The following ADSL variants were observed in gnomAD, a reference collection of about 807,000 sequenced individuals.
The protein encoded by ADSL is adenylosuccinase.
Under a neutral mutation model 62.1 loss-of-function variants are expected in ADSL, and 44 were observed. The observed-to-expected ratio is 0.71, with a 90% CI of 0.56 to 0.91. The LOEUF (loss-of-function observed/expected upper bound fraction) is 0.91, where lower values mean the gene tolerates loss of function less well. ADSL is among the 40% of genes least tolerant of loss of function. The pLI is 0.00. For missense variants in ADSL, 531 were observed against 627.4 expected (o/e 0.85, Z 1.64); for synonymous variants, 198 against 220.5 (o/e 0.90, Z 0.90).
In ADSL at chr22:40,350,149, A is replaced by C; in HGVS notation, c.357+114A>C. The C allele has an allele frequency of 5.4e-6, 5 of 933,954 alleles. No homozygotes were observed. In the East Asian group the frequency reaches 1.3e-4, roughly 24 times the overall value. 57.9% of individuals were successfully genotyped at this position (933,954 alleles called of 1,614,324 possible). A position where few individuals can be genotyped will look rare whatever the true frequency, so the allele number is the denominator to read the frequency against. Reference sequence around the variant, plus strand: ...ACTATAGATCTTTTTTTTTTTTTTGAGGCAGAGTCTCCCTCTGTCTCCCAG... The same window carrying C: ...ACTATAGATCTTTTTTTTTTTTTTGCGGCAGAGTCTCCCTCTGTCTCCCAG... On this transcript the variant is annotated intron_variant, in intron 2 of 12. Coordinates refer to ENST00000623063, the MANE Select transcript of ADSL (RefSeq NM_000026.4).
chr22:40,371,898 C>T (rs2146706406), downstream of ADSL, among the ~76,000 whole-genome samples: 1 of 151,622 alleles, frequency 6.6e-6, no homozygotes. Flanking sequence ...GGTTTTTCGC[C>T]ATGTTGGCCA....
intron 2 of ADSL, among the ~76,000 whole-genome samples, chr22:40,383,355 T>C (rs900176325): frequency 1.3e-5 from 2 of 151,568 alleles, no homozygotes; most frequent in African/African-American, 4.9e-5. Context: ...TATTCCCAGC[T>C]ACTCGGGAGG....
chr22:40,351,009 T>C (rs1241660284), intron 2 of ADSL, among the ~76,000 whole-genome samples: 5 of 151,690 alleles, frequency 3.3e-5, no homozygotes, highest in Admixed American at 3.3e-4. Flanking sequence ...AAAAAAATAC[T>C]TTGAGACAGG....
rs772564582 is a variant in ADSL, at chr22:40,367,782, A to G, written c.*1260A>G. 5 of 154,628 alleles carry G rather than the reference A, an allele frequency of 3.2e-5. No individual in the cohort carries two copies. Among genetic ancestry groups the G allele is most frequent in the African/African-American group, 4.8e-5 (2 of 41,480 alleles). The allele number at this position is 154,628 out of a possible 1,614,324, so 9.6% of individuals were successfully genotyped here. A position where few individuals can be genotyped will look rare whatever the true frequency, so the allele number is the denominator to read the frequency against. ...CACAAAACTGGGAGAATTAACAAGT[A>G]TGTTTATTTGGTAAAATAAGTTTTC... On this transcript the variant is annotated 3_prime_UTR_variant, in exon 13 of 13. Coordinates refer to ENST00000623063, the MANE Select transcript of ADSL (RefSeq NM_000026.4).
At position 40,350,033 on chromosome 22, in the gene ADSL, A is replaced by G. The variant is rs1239032841; in HGVS notation, c.355A>G (p.Thr119Ala). Residue 119 changes from threonine to alanine, a missense_variant and splice_region_variant, in exon 2 of 13, where the codon ACT becomes GCT. Physicochemically the swap from Thr to Ala is moderately conservative, Grantham distance 58. Around this residue, in one of 2 missense-constraint regions of ADSL, gnomAD observed 471 missense variants for 592.9 expected, o/e 0.79. Coordinates refer to ENST00000623063, the MANE Select transcript of ADSL (RefSeq NM_000026.4). ...TACTTCTTGCTATGTTGGAGACAATACTGTAGGCGCCTGTGTTGTTTATAC... is the reference window on the plus strand; with the variant it reads ...TACTTCTTGCTATGTTGGAGACAATGCTGTAGGCGCCTGTGTTGTTTATAC... Reference protein sequence around the residue: ...GATSCYVGDNTDLIILRNALD... With the variant: ...GATSCYVGDNADLIILRNALD... 1 of 1,613,638 alleles carries G rather than the reference A, an allele frequency of 6.2e-7. No homozygotes were observed. The highest frequency in any genetic ancestry group is 8.5e-7 in the Non-Finnish European group (1 of 1,179,566).
rs1348402340 is a variant in ADSL at position 40,365,049 on chromosome 22, C to T, written c.1361C>T (p.Ser454Phe). The T allele has an allele frequency of 6.2e-7, 1 of 1,613,606 alleles. No homozygotes were observed. Among genetic ancestry groups the T allele is most frequent in the East Asian group, 2.2e-5 (1 of 44,880 alleles). ...CCTTCTTCTTTCACTGGTCGTGCCT[C>T]CCAGCAGGTAAGCTTCCAAGAAGCC... is the stretch of plus-strand genomic sequence containing the variant. ...LDPSSFTGRA[S>F]QQVQRFLEEE... The change falls in exon 12 of 13, where the codon TCC (serine) becomes TTC (phenylalanine). Residue 454 changes from serine to phenylalanine, a missense_variant. Transcript: ENST00000623063.
chr22:40,348,658 T>C (rs1040584591), intron 1 of ADSL: 1 of 398,654 alleles, frequency 2.5e-6, no homozygotes. Context: ...TGAGCCACCA[T>C]ACCTGGCCTG....
rs1429002781 is a variant in ADSL, at chr22:40,353,119, TA to T, written c.402+4del. 1 of 1,613,072 alleles carries T rather than the reference TA, an allele frequency of 6.2e-7. No individual in the cohort carries two copies. The highest frequency in any genetic ancestry group is 8.5e-7 in the Non-Finnish European group (1 of 1,179,152). ...GCACTTGACCTGCTTTTGCCAAAGG[TA>T]AGGAGTTGGCAGATGTTTCCTACCA... On this transcript the variant is annotated splice_donor_region_variant and intron_variant, in intron 3 of 12. Transcript: ENST00000623063.
In ADSL at chr22:40,368,776, C is replaced by G. The variant is rs2045079009; in HGVS notation, c.*2254C>G. On this transcript the variant is annotated 3_prime_UTR_variant, in exon 13 of 13. Transcript: ENST00000623063. ...ACTCCGTCTCTACTAAAAATACAAT[C>G]AACCGGGCGTGGTGGCAGGCGCCTA... The G allele has an allele frequency of 6.6e-6, 1 of 151,980 alleles. No homozygotes were observed. The highest frequency in any genetic ancestry group is 1.5e-5 in the Non-Finnish European group (1 of 67,994). The allele number at this position is 151,980 out of a possible 1,614,324, so 9.4% of individuals were successfully genotyped here.
intron 1 of ADSL, 36 bp from the exon 2 acceptor site, chr22:40,349,796 C>A (rs775914684): frequency 2.5e-6 from 4 of 1,580,892 alleles, no homozygotes. Flanking sequence ...AACTGTGACA[C>A]TGAGACTATT....
At chr22:40,357,870 C>T (rs767066915) in intron 4 of ADSL, among the ~76,000 whole-genome samples, 102 of 152,266 alleles carry the variant, frequency 6.7e-4, no homozygotes, top group Middle Eastern at 6.8e-3. Context: ...CTCTCAGGTT[C>T]GAGTGATTCT....
intron 1 of ADSL, 94 bp downstream of exon 1, chr22:40,346,805 G>A: frequency 7.5e-7 from 1 of 1,341,230 alleles, no homozygotes; most frequent in Non-Finnish European, 1.0e-6. Context: ...AGCCACCCCG[G>A]AGCTGCGGCC....
At chr22:40,372,549 A>G (rs1163564290), downstream of ADSL, 1 of 152,220 alleles carries the variant, frequency 6.6e-6, no homozygotes, top group African/African-American at 2.4e-5. Flanking sequence ...GGCTGTAAAC[A>G]AACAATTGCT....
chr22:40,348,572 G>T, intron 1 of ADSL: 1 of 398,498 alleles, frequency 2.5e-6, no homozygotes, highest in South Asian at 1.3e-4. Flanking sequence ...TGTAGAGATG[G>T]GTCTCACTGT....
At chr22:40,348,654 A>G in intron 1 of ADSL, 1 of 398,624 alleles carries the variant, frequency 2.5e-6, no homozygotes, top group Admixed American at 4.4e-5. Flanking sequence ...GATGTGAGCC[A>G]CCATACCTGG....
Position 40,361,648 on chromosome 22 carries a change from G to A in ADSL, c.1010+13G>A, listed in dbSNP as rs774216905. The A allele has an allele frequency of 6.2e-6, 10 of 1,611,666 alleles. No homozygotes were observed. Among genetic ancestry groups the A allele is most frequent in the Non-Finnish European group, 8.5e-6 (10 of 1,179,976 alleles). ...ATAGTGCCAACCGGTCAGTGGCACA[G>A]GGACATCACATACACCAAGTTGAGT... is the stretch of plus-strand genomic sequence containing the variant. On this transcript the variant is annotated intron_variant, in intron 9 of 12. Coordinates refer to ENST00000623063, the MANE Select transcript of ADSL (RefSeq NM_000026.4).
At chr22:40,376,768 C>T (rs1226996257) in intron 2 of ADSL, among the ~76,000 whole-genome samples, 1 of 151,850 alleles carries the variant, frequency 6.6e-6, no homozygotes, top group Non-Finnish European at 1.5e-5. Context: ...ATAATCTCCA[C>T]CTTCATAGTT....
At chr22:40,366,005 T>C (rs1319982116) in intron 12 of ADSL, among the ~76,000 whole-genome samples, 1 of 151,384 alleles carries the variant, frequency 6.6e-6, no homozygotes, top group African/African-American at 2.4e-5. Flanking sequence ...AAACTGGAGG[T>C]AGGAGACCAA....
intron 3 of ADSL, 86 bp downstream of exon 3, chr22:40,353,203 T>C (rs1449987068): frequency 2.8e-6 from 3 of 1,081,746 alleles, no homozygotes; most frequent in Non-Finnish European, 4.3e-6. Context: ...CAACACAGTG[T>C]AAATTTTTAC....
Sources: gnomAD v4.1 joint callset for allele counts (sites outside exome capture counted in the v4.1 genomes callset) on GRCh38, gnomAD v4.1.1 for gene constraint, gnomAD v4.1.1 regional missense constraint, MANE v1.5 for transcripts, NCBI Gene and HGNC (gene_info 2026-07-23, HGNC 2026-07-21) for gene names.